Variants in LRP1B observed in about 807,000 individuals in gnomAD.
LRP1B encodes LDL receptor related protein 1B, also known as low-density lipoprotein receptor-related protein 1B.
A neutral mutation model predicts 556.6 loss-of-function variants in LRP1B; 217 were observed. The observed-to-expected ratio is 0.39, with a 90% CI of 0.35 to 0.44. The LOEUF (loss-of-function observed/expected upper bound fraction) is 0.44, where lower values mean the gene tolerates loss of function less well. Among genes scored for constraint, LRP1B ranks in the 20% least tolerant of loss-of-function variants. The probability of loss-of-function intolerance (pLI) is 1.00; values close to 1 mark genes in which losing one functional copy is unlikely to be tolerated. For synonymous variants in LRP1B, 2,047 were observed against 1,865.8 expected (o/e 1.10, Z -2.50); for missense variants, 5,053 against 5,620.8 (o/e 0.90, Z 3.23).
intron 2 of LRP1B, among the ~76,000 whole-genome samples, chr2:141,646,180 T>C (rs1278892686): frequency 1.3e-5 from 2 of 152,190 alleles, no homozygotes; most frequent in African/African-American, 4.8e-5. Context: ...TTCCAACAGT[T>C]ACATCTTAGC....
At chr2:141,369,060 A>G (rs568624691) in intron 3 of LRP1B, among the ~76,000 whole-genome samples, 2 of 152,290 alleles carry the variant, frequency 1.3e-5, no homozygotes, top group African/African-American at 4.8e-5. Flanking sequence ...TTGCCCTTGC[A>G]GAATATAATA....
intron 5 of LRP1B, among the ~76,000 whole-genome samples, chr2:141,236,250 A>C (rs1683644541): frequency 1.3e-5 from 2 of 152,312 alleles, no homozygotes. Context: ...GGAATAGTTA[A>C]ACCTAGGTAA....
At chr2:140,824,046 AG>A (rs1216090270) in intron 31 of LRP1B, among the ~76,000 whole-genome samples, 1 of 151,938 alleles carries the variant, frequency 6.6e-6, no homozygotes, top group Non-Finnish European at 1.5e-5. Flanking sequence ...CAATGACATG[AG>A]TTTACCTATG....
intron 2 of LRP1B, among the ~76,000 whole-genome samples, chr2:141,613,292 A>T (rs547242464): frequency 6.6e-6 from 1 of 152,182 alleles, no homozygotes; most frequent in East Asian, 1.9e-4. Flanking sequence ...AGTCATTGAC[A>T]CTACAGCAGC....
chr2:141,185,683 C>CAAAAAA (rs148935362), intron 7 of LRP1B, among the ~76,000 whole-genome samples: 58 of 74,314 alleles, frequency 7.8e-4, no homozygotes, highest in African/African-American at 2.4e-3. Flanking sequence ...GAAAAACAAA[C>CAAAAAA]AAACAAAAAA....
chr2:141,020,515 TG>T (rs962958299), intron 11 of LRP1B, among the ~76,000 whole-genome samples: 16 of 152,194 alleles, frequency 1.1e-4, no homozygotes, highest in African/African-American at 3.8e-4. Context: ...TGTGTCAGCA[TG>T]TTCAAACTTG....
intron 2 of LRP1B, among the ~76,000 whole-genome samples, chr2:141,502,729 C>T (rs888895863): frequency 4.6e-5 from 7 of 151,700 alleles, no homozygotes; most frequent in South Asian, 2.1e-4. Flanking sequence ...CATGGTGCCA[C>T]GTTCCTGTAG....
At chr2:141,253,197 C>A (rs941713832) in intron 4 of LRP1B, among the ~76,000 whole-genome samples, 28 of 152,158 alleles carry the variant, frequency 1.8e-4, no homozygotes. Context: ...TCATCCATGT[C>A]TGGCACCATT....
chr2:141,261,734 G>A (rs1914768), intron 3 of LRP1B, among the ~76,000 whole-genome samples: 127,198 of 152,098 alleles, frequency 0.84, 53,393 homozygotes, highest in East Asian at 0.97. Flanking sequence ...TCCCTTTTTG[G>A]TTACTGAGTA....
At chr2:140,554,870 G>A (rs927860420) in intron 43 of LRP1B, among the ~76,000 whole-genome samples, 2 of 127,096 alleles carry the variant, frequency 1.6e-5, no homozygotes, top group African/African-American at 5.3e-5. Flanking sequence ...GTGTGTGTGT[G>A]TGTGTGTGTG....
chr2:142,023,279 C>G (rs184200989), intron 1 of LRP1B, among the ~76,000 whole-genome samples: 39 of 152,264 alleles, frequency 2.6e-4, no homozygotes, highest in African/African-American at 9.1e-4. Context: ...ATTTTCAATG[C>G]CCCACCTTGG....
At chr2:141,608,774 T>C (rs1461674864) in intron 2 of LRP1B, among the ~76,000 whole-genome samples, 1 of 152,198 alleles carries the variant, frequency 6.6e-6, no homozygotes, top group East Asian at 1.9e-4. Context: ...TTATTGTAAA[T>C]TCCCTATAGT....
At chr2:140,617,897 T>A (rs893426297) in intron 41 of LRP1B, among the ~76,000 whole-genome samples, 1 of 151,904 alleles carries the variant, frequency 6.6e-6, no homozygotes, top group African/African-American at 2.4e-5. Context: ...TGAGAAAAAA[T>A]TGAATGGAGT....
chr2:141,715,041 A>G (rs1310171652), intron 2 of LRP1B, among the ~76,000 whole-genome samples: 1 of 152,182 alleles, frequency 6.6e-6, no homozygotes, highest in African/African-American at 2.4e-5. Context: ...CTTCATTGAG[A>G]TCAATGATAT....
rs2105385705 is a variant in LRP1B, at chr2:141,013,678, C to A, written c.2258G>T (p.Trp753Leu). Reference sequence around the variant, plus strand: ...AATGGAACCATTCATATAATCAGTCCAGAACACATAATTTCCATGATGCGA... The same window carrying A: ...AATGGAACCATTCATATAATCAGTCAAGAACACATAATTTCCATGATGCGA... Reference protein sequence around the residue: ...GLSHHGNYVFWTDYMNGSIFQ... With the variant: ...GLSHHGNYVFLTDYMNGSIFQ... Residue 753 changes from tryptophan to leucine, a missense_variant, in exon 14 of 91, where the codon TGG (tryptophan) becomes TTG (leucine). Trp to Leu is a moderately conservative substitution (Grantham distance 61). Transcript: ENST00000389484. The A allele has an allele frequency of 6.2e-7, 1 of 1,607,306 alleles. No homozygotes were observed.
intron 7 of LRP1B, among the ~76,000 whole-genome samples, chr2:141,078,803 C>A (rs542849379): frequency 3.5e-4 from 53 of 151,966 alleles, no homozygotes; most frequent in African/African-American, 1.3e-3. Flanking sequence ...ACAATGCTGT[C>A]AATTAAAAAA....
chr2:141,462,558 C>A (rs1681918623), intron 3 of LRP1B, among the ~76,000 whole-genome samples: 1 of 151,976 alleles, frequency 6.6e-6, no homozygotes, highest in Admixed American at 6.6e-5. Context: ...AGCTTAAAAC[C>A]TAGATGACAG....
At chr2:141,655,995 G>A (rs1025547306) in intron 2 of LRP1B, among the ~76,000 whole-genome samples, 10 of 151,992 alleles carry the variant, frequency 6.6e-5, no homozygotes, top group African/African-American at 2.4e-4. Context: ...ATTTATACAG[G>A]TGAACTCATT....
Position 140,504,031 on chromosome 2 carries a change from A to C in LRP1B, c.8522-928T>G, listed in dbSNP as rs186051757. Among the ~76,000 whole-genome samples the C allele has an allele frequency of 2.0e-5, 3 of 152,212 alleles. No homozygotes were observed. In the East Asian group the frequency reaches 5.8e-4, roughly 29 times the overall value. ...CTTCATTAGTTCCTTCTTCTCATTT[A>C]ACAAATACAGTGAAGTCTTATCCAG... On this transcript the variant is annotated intron_variant, in intron 53 of 90. Transcript: ENST00000389484.
Sources: allele counts gnomAD v4.1 joint callset (sites outside exome capture counted in the v4.1 genomes callset), GRCh38; gene constraint gnomAD v4.1.1; transcripts MANE v1.5; gene names NCBI Gene and HGNC (gene_info 2026-07-23, HGNC 2026-07-21).